ADGRV1: variants seen among roughly 807,000 people sequenced by gnomAD.
The protein encoded by ADGRV1 is G-protein coupled receptor 98.
A neutral mutation model predicts 596.2 loss-of-function variants in ADGRV1; 359 were observed. The ratio of observed to expected loss-of-function variants is 0.60; its 90% CI spans 0.55 to 0.66. The LOEUF is 0.66. Among genes scored for constraint, ADGRV1 ranks in the 30% least tolerant of loss-of-function variants. The probability of loss-of-function intolerance (pLI) is 0.00; values close to 1 mark genes in which losing one functional copy is unlikely to be tolerated. For missense variants in ADGRV1, 7,274 were observed against 7,575.6 expected (o/e 0.96, Z 1.48); for synonymous variants, 2,681 against 2,679.2 (o/e 1.00, Z -0.02).
chr5:91,124,377 G>A (rs572096515), intron 87 of ADGRV1, among the ~76,000 whole-genome samples: 5 of 152,018 alleles, frequency 3.3e-5, no homozygotes, highest in Non-Finnish European at 5.9e-5. Flanking sequence ...TGTTTGTCTT[G>A]TTTTTCTCTC....
At chr5:91,056,829 T>A (rs1165383572) in intron 85 of ADGRV1, among the ~76,000 whole-genome samples, 2 of 152,206 alleles carry the variant, frequency 1.3e-5, no homozygotes, top group Non-Finnish European at 2.9e-5. Context: ...GCAAGTTGTC[T>A]CCACTGCTTT....
At chr5:91,160,923 G>A (rs1289527557) in intron 89 of ADGRV1, among the ~76,000 whole-genome samples, 1 of 152,164 alleles carries the variant, frequency 6.6e-6, no homozygotes, top group African/African-American at 2.4e-5. Context: ...TCTAGAACTT[G>A]CTTACATATC....
chr5:90,877,198 A>C (rs1769297087), intron 83 of ADGRV1, among the ~76,000 whole-genome samples: 1 of 152,190 alleles, frequency 6.6e-6, no homozygotes, highest in Non-Finnish European at 1.5e-5. Flanking sequence ...AGGCAGAGGA[A>C]TGGGCAGTAT....
chr5:90,643,838 C>T lies in ADGRV1; in HGVS notation c.2589C>T (p.His863=), dbSNP rs758566051. The T allele has an allele frequency of 2.3e-5, 37 of 1,609,998 alleles. No homozygotes were observed. Among genetic ancestry groups the T allele is most frequent in the East Asian group, 1.1e-4 (5 of 44,746 alleles). ...DEHYWVVLSS[H]GERESKLGSA... ...ACTACTGGGTGGTCCTCAGCAGCCA[C>T]GGAGAACGGGAAAGCAAGTTGGGAA... The change falls in exon 14 of 90, where the codon CAC becomes CAT. Residue 863 remains histidine (H), a synonymous_variant. Transcript: ENST00000405460.
chr5:91,111,518 CAGTACATAT>C (rs1792369094), intron 87 of ADGRV1, among the ~76,000 whole-genome samples: 1 of 152,204 alleles, frequency 6.6e-6, no homozygotes, highest in Non-Finnish European at 1.5e-5. Flanking sequence ...TGCTTAGATA[CAGTACATAT>C]TTAGTCTTGG....
At chr5:90,803,128 G>A (rs1277423501) in intron 71 of ADGRV1, among the ~76,000 whole-genome samples, 2 of 151,694 alleles carry the variant, frequency 1.3e-5, no homozygotes, top group African/African-American at 2.4e-5. Context: ...TAATATTGAG[G>A]TATTTTATGT....
intron 83 of ADGRV1, among the ~76,000 whole-genome samples, chr5:90,900,053 C>T (rs1771695347): frequency 6.6e-6 from 1 of 152,198 alleles, no homozygotes; most frequent in South Asian, 2.1e-4. Context: ...CAGCGAATTT[C>T]ATGTTGGATA....
chr5:90,573,728 G>T lies in ADGRV1; in HGVS notation c.22+14811G>T, dbSNP rs547425238. Among the ~76,000 whole-genome samples, 6 of 152,168 alleles carry T rather than the reference G, an allele frequency of 3.9e-5. No individual in the cohort carries two copies. In the East Asian group the frequency reaches 1.2e-3, roughly 29 times the overall value. ...CAAATTATTGAAGTTTTAAAATGTTGTTTTTTTAAATGAGAGAAATTTAAT... is the reference window on the plus strand; with the variant it reads ...CAAATTATTGAAGTTTTAAAATGTTTTTTTTTTAAATGAGAGAAATTTAAT... On this transcript the variant is annotated intron_variant, in intron 1 of 89. Transcript: ENST00000405460.
At chr5:91,138,660 A>G (rs1015111365) in intron 87 of ADGRV1, among the ~76,000 whole-genome samples, 1 of 152,136 alleles carries the variant, frequency 6.6e-6, no homozygotes, top group African/African-American at 2.4e-5. Context: ...TAGATGCTAT[A>G]TTATCTCAAA....
chr5:90,960,155 A>ACAC (rs59928842), intron 83 of ADGRV1, among the ~76,000 whole-genome samples: 1 of 146,172 alleles, frequency 6.8e-6, no homozygotes, highest in Non-Finnish European at 1.5e-5. Context: ...AAAAAAAAAC[A>ACAC]AAAAACAGAT....
chr5:90,838,218 G>A (rs1262637007), intron 77 of ADGRV1, among the ~76,000 whole-genome samples: 1 of 151,938 alleles, frequency 6.6e-6, no homozygotes, highest in African/African-American at 2.4e-5. Flanking sequence ...TCGTTACACT[G>A]CAGATGCTCT....
intron 83 of ADGRV1, among the ~76,000 whole-genome samples, chr5:90,961,170 G>C (rs928356163): frequency 1.3e-5 from 2 of 152,084 alleles, no homozygotes; most frequent in African/African-American, 4.8e-5. Context: ...GCCATGATCA[G>C]AGTAAGCAGG....
intron 59 of ADGRV1, among the ~76,000 whole-genome samples, chr5:90,767,622 G>A (rs930412637): frequency 6.6e-6 from 1 of 151,214 alleles, no homozygotes; most frequent in Admixed American, 6.6e-5. Context: ...AAGCTCAGTA[G>A]GTGGTTTTCC....
At chr5:91,035,868 T>TA (rs1327227792) in intron 85 of ADGRV1, among the ~76,000 whole-genome samples, 1 of 121,580 alleles carries the variant, frequency 8.2e-6, no homozygotes, top group Non-Finnish European at 1.8e-5. Context: ...ATATTATATA[T>TA]ATATATATAT....
intron 29 of ADGRV1, among the ~76,000 whole-genome samples, chr5:90,688,809 A>G (rs998437643): frequency 2.6e-5 from 4 of 152,222 alleles, no homozygotes; most frequent in African/African-American, 9.6e-5. Context: ...CTTGTAAATG[A>G]CTACTGAGGA....
intron 2 of ADGRV1, among the ~76,000 whole-genome samples, chr5:90,616,809 C>G (rs1341568535): frequency 6.6e-6 from 1 of 152,150 alleles, no homozygotes; most frequent in Non-Finnish European, 1.5e-5. Flanking sequence ...TTAATGTTAA[C>G]TATAATTTCC....
intron 59 of ADGRV1, among the ~76,000 whole-genome samples, chr5:90,771,614 T>C (rs1175274302): frequency 1.3e-5 from 2 of 152,162 alleles, no homozygotes; most frequent in African/African-American, 4.8e-5. Flanking sequence ...ATTCAACACC[T>C]TTTCTACATC....
chr5:91,042,855 G>A (rs1424071377), intron 85 of ADGRV1, among the ~76,000 whole-genome samples: 3 of 152,118 alleles, frequency 2.0e-5, no homozygotes, highest in Non-Finnish European at 4.4e-5. Context: ...AGTTTCACAT[G>A]TGATTCAGAG....
chr5:91,057,889 A>G (rs1322275043), intron 85 of ADGRV1, among the ~76,000 whole-genome samples: 1 of 152,184 alleles, frequency 6.6e-6, no homozygotes, highest in Admixed American at 6.5e-5. Flanking sequence ...TGGAAGGAAT[A>G]CGTGTGTCTG....
Sources: allele counts gnomAD v4.1 joint callset (sites outside exome capture counted in the v4.1 genomes callset), GRCh38; gene constraint gnomAD v4.1.1; transcripts MANE v1.5; gene names NCBI Gene and HGNC (gene_info 2026-07-23, HGNC 2026-07-21).